The following DMD variants were observed in gnomAD, a reference collection of about 807,000 sequenced individuals.
DMD encodes dystrophin.
A neutral mutation model predicts 330.1 loss-of-function variants in DMD; 63 were observed. The observed-to-expected ratio is 0.19, with a 90% confidence interval of 0.16 to 0.24. DMD has a LOEUF of 0.24. Among genes scored for constraint, DMD ranks in the 10% least tolerant of loss-of-function variants. The pLI, the probability that DMD is intolerant of heterozygous loss-of-function variation, is 1.00. For synonymous variants in DMD, 1,223 were observed against 959.8 expected (o/e 1.27, Z -5.07); for missense variants, 3,344 against 2,684.1 (o/e 1.25, Z -5.43).
intron 13 of DMD, among the ~76,000 whole-genome samples, chrX:32,589,322 C>T (rs1007562673): frequency 9.0e-6 from 1 of 111,042 alleles, no homozygotes; most frequent in Admixed American, 9.6e-5. Flanking sequence ...GTAATCTAGA[C>T]ACTATATCAC....
At chrX:31,425,882 C>T (rs368012866) in intron 60 of DMD, among the ~76,000 whole-genome samples, 1 of 111,868 alleles carries the variant, frequency 8.9e-6, no homozygotes, top group Non-Finnish European at 1.9e-5. Flanking sequence ...GTTGAATTAA[C>T]CAGCTCTAGG....
At chrX:33,149,737 T>C (rs934199044) in intron 1 of DMD, among the ~76,000 whole-genome samples, 1 of 110,795 alleles carries the variant, frequency 9.0e-6, no homozygotes, top group African/African-American at 3.3e-5. Flanking sequence ...CAAAGCAACA[T>C]ACATATGAGT....
At chrX:31,633,777 G>C (rs2079254948) in intron 54 of DMD, among the ~76,000 whole-genome samples, 1 of 111,945 alleles carries the variant, frequency 8.9e-6, no homozygotes, top group Non-Finnish European at 1.9e-5. Flanking sequence ...CTTAACAAAA[G>C]TTTGCCTAAC....
intron 34 of DMD, among the ~76,000 whole-genome samples, chrX:32,378,036 CA>C (rs1368732002): frequency 9.0e-6 from 1 of 110,581 alleles, no homozygotes; most frequent in Non-Finnish European, 1.9e-5. Context: ...GAATATGAAT[CA>C]GCGTGTTATC....
intron 4 of DMD, among the ~76,000 whole-genome samples, chrX:32,824,747 T>C (rs764898317): frequency 8.9e-6 from 1 of 112,298 alleles, no homozygotes; most frequent in South Asian, 3.7e-4. Context: ...TACACACATA[T>C]GCATGCACAC....
intron 21 of DMD, among the ~76,000 whole-genome samples, chrX:32,480,817 T>C (rs1156859759): frequency 9.0e-6 from 1 of 110,928 alleles, no homozygotes; most frequent in African/African-American, 3.3e-5. Context: ...CTGCTATGCT[T>C]GCTCTTGATG....
chrX:32,547,326 G>T (rs1008770446), intron 16 of DMD, among the ~76,000 whole-genome samples: 9 of 110,873 alleles, frequency 8.1e-5, no homozygotes, highest in African/African-American at 2.9e-4. Context: ...ATGTGCCCAT[G>T]GAGGGTAAAG....
At chrX:33,297,318 C>T (rs2053598684) in intron 1 of DMD, among the ~76,000 whole-genome samples, 1 of 109,932 alleles carries the variant, frequency 9.1e-6, no homozygotes. Context: ...AAGTTTGTCT[C>T]ATTGTATCTT....
chrX:33,105,650 T>G (rs1255992132), intron 1 of DMD, among the ~76,000 whole-genome samples: 1 of 111,867 alleles, frequency 8.9e-6, no homozygotes, highest in Non-Finnish European at 1.9e-5. Context: ...GATATACAAA[T>G]GATCAACAAA....
intron 7 of DMD, among the ~76,000 whole-genome samples, chrX:32,759,493 C>T (rs181687600): frequency 3.6e-5 from 4 of 111,100 alleles, no homozygotes; most frequent in African/African-American, 9.8e-5. Flanking sequence ...CAGCAATATG[C>T]GGCACACCTG....
intron 13 of DMD, 50 bp from the exon 14 acceptor site, chrX:32,573,896 GTTT>G: frequency 9.4e-7 from 1 of 1,062,047 alleles, no homozygotes; most frequent in Non-Finnish European, 1.3e-6. Flanking sequence ...TGGTAACTAC[GTTT>G]TATTAAAAAT....
At chrX:31,707,738 G>A (rs888126053) in intron 52 of DMD, among the ~76,000 whole-genome samples, 2 of 111,590 alleles carry the variant, frequency 1.8e-5, no homozygotes, top group Admixed American at 1.9e-4. Context: ...TTATCTAACT[G>A]TCTGACTGGA....
intron 22 of DMD, among the ~76,000 whole-genome samples, 175 bp downstream of exon 22, chrX:32,471,989 T>A (rs1163141752): frequency 8.9e-6 from 1 of 112,619 alleles, no homozygotes; most frequent in African/African-American, 3.2e-5. Flanking sequence ...TACATATATA[T>A]CCATAGATAG....
chrX:31,176,960 G>A (rs978125599), intron 71 of DMD, among the ~76,000 whole-genome samples: 2 of 110,619 alleles, frequency 1.8e-5, no homozygotes, highest in East Asian at 5.6e-4. Context: ...ATTATATGGT[G>A]GAACAATAAA....
At chrX:32,670,877 G>C (rs990765260) in intron 9 of DMD, among the ~76,000 whole-genome samples, 1 of 111,529 alleles carries the variant, frequency 9.0e-6, no homozygotes, top group Non-Finnish European at 1.9e-5. Context: ...CAGATTCTGT[G>C]AATGCCAAAA....
intron 44 of DMD, among the ~76,000 whole-genome samples, chrX:32,076,659 G>A (rs1034271265): frequency 7.2e-5 from 8 of 111,752 alleles, no homozygotes; most frequent in Non-Finnish European, 1.5e-4. Context: ...GATTACAGGC[G>A]TGAGCCACCC....
chrX:31,821,874 A>G (rs2092769452), intron 49 of DMD, among the ~76,000 whole-genome samples: 1 of 112,412 alleles, frequency 8.9e-6, no homozygotes, highest in South Asian at 3.6e-4. Context: ...CAGAGTTGGA[A>G]AAGAGCCAGA....
chrX:31,183,511 T>G (rs1339983246), intron 67 of DMD, among the ~76,000 whole-genome samples: 1 of 111,553 alleles, frequency 9.0e-6, no homozygotes, highest in Non-Finnish European at 1.9e-5. Flanking sequence ...CCCTGTTGAT[T>G]CTGTCTGCCT....
At chrX:32,878,336 C>A (rs1244190072) in intron 2 of DMD, among the ~76,000 whole-genome samples, 1 of 111,599 alleles carries the variant, frequency 9.0e-6, no homozygotes, top group Non-Finnish European at 1.9e-5. Flanking sequence ...CGAGATTGCT[C>A]CACTGCACCC....
Sources: allele counts gnomAD v4.1 joint callset (sites outside exome capture counted in the v4.1 genomes callset), GRCh38; gene constraint gnomAD v4.1.1; transcripts MANE v1.5; gene names NCBI Gene and HGNC (gene_info 2026-07-23, HGNC 2026-07-21).